The following TJP2 variants were observed in gnomAD, a reference collection of about 807,000 sequenced individuals.
TJP2 encodes the protein tight junction protein 2.
TJP2 carries 91 observed loss-of-function variants against 133.1 expected under a neutral mutation model. The ratio of observed to expected loss-of-function variants is 0.68; its 90% CI spans 0.58 to 0.81. The LOEUF is 0.81. Among genes scored for constraint, TJP2 ranks in the 40% least tolerant of loss-of-function variants. TJP2 has a pLI of 0.00. For missense variants in TJP2, 1,541 were observed against 1,565.6 expected (o/e 0.98, Z 0.26); for synonymous variants, 592 against 583.4 (o/e 1.01, Z -0.21).
At chr9:69,205,241 C>G in intron 1 of TJP2, 2 of 1,537,210 alleles carry the variant, frequency 1.3e-6, no homozygotes, top group Non-Finnish European at 1.7e-6. Flanking sequence ...CGTGTGAGTC[C>G]CTCTGCAAGC....
rs201099055 is a variant in TJP2 at position 69,225,736 on chromosome 9, T to C, written c.1057-286T>C. ...ATGAATGCTGAATATTTAATAGGTC[T>C]TGTAAACCTCTCCAGTCAGGAAACA... On this transcript the variant is annotated intron_variant, in intron 6 of 22. Transcript: ENST00000377245. 9.8e-5 allele frequency among the ~76,000 whole-genome samples: 15 copies of C among 152,354 alleles called. No homozygotes were observed. The East Asian group carries it at 2.9e-3, about 29-fold the overall frequency.
At chr9:69,189,145 G>A (rs1001407839) in intron 1 of TJP2, among the ~76,000 whole-genome samples, 2 of 152,164 alleles carry the variant, frequency 1.3e-5, no homozygotes, top group Non-Finnish European at 2.9e-5. Flanking sequence ...TTTTGATTGG[G>A]AATGAAGATA....
chr9:69,174,007 TCTC>T (rs964365664), upstream of TJP2: 148 of 984,766 alleles, frequency 1.5e-4, no homozygotes, highest in African/African-American at 3.0e-4. Context: ...GCCTTGGGCT[TCTC>T]CTGCCGCCGC....
chr9:69,142,462 TAAG>T (rs941071296), intron 1 of TJP2, among the ~76,000 whole-genome samples: 26 of 152,276 alleles, frequency 1.7e-4, no homozygotes, highest in Admixed American at 5.2e-4. Context: ...ATGAGCATAT[TAAG>T]GAGGAGAGAA....
At position 69,180,445 on chromosome 9, in the gene TJP2, A is replaced by G. The variant is rs141488404; in HGVS notation, c.60+6013A>G. 3.7e-4 allele frequency among the ~76,000 whole-genome samples: 56 copies of G among 152,272 alleles called. No homozygotes were observed. The East Asian group carries it at 9.8e-3, about 27-fold the overall frequency. On this transcript the variant is annotated intron_variant, in intron 1 of 22. Coordinates refer to ENST00000377245, the MANE Select transcript of TJP2 (RefSeq NM_004817.4). ...TTCTAGGTTCTTCTGAGGGGGAAAT[A>G]ATGTTCCACTTGGGGCCATTTTTTT...
rs755699574 is a variant in TJP2, at chr9:69,240,007, T to C, written c.2426T>C (p.Ile809Thr). The change falls in exon 17 of 23, where the codon ATT (isoleucine) becomes ACT (threonine). Residue 809 changes from isoleucine to threonine, a missense_variant. By Grantham distance (89) the Ile-to-Thr change is moderately conservative. Transcript: ENST00000377245. The part of the protein sequence containing the change: ...DLLNYTQWFP[I>T]VIFFNPDSRQ... ...TTGAATTACACCCAGTGGTTCCCAA[T>C]TGTGATTTTTTTCAACCCAGACTCC... 27 of 1,614,056 alleles carry C rather than the reference T, an allele frequency of 1.7e-5. No homozygotes were observed. Among genetic ancestry groups the C allele is most frequent in the East Asian group, 2.2e-5 (1 of 44,892 alleles).
chr9:69,231,357 C>G (rs1829766888), intron 11 of TJP2, among the ~76,000 whole-genome samples: 1 of 152,188 alleles, frequency 6.6e-6, no homozygotes, highest in Non-Finnish European at 1.5e-5. Context: ...CTTGGCCTCC[C>G]AAAGTGCTGG....
chr9:69,215,376 G>C (rs1229531939), intron 2 of TJP2, among the ~76,000 whole-genome samples: 3 of 145,124 alleles, frequency 2.1e-5, no homozygotes, highest in African/African-American at 7.5e-5. Context: ...TTCCCGCCCA[G>C]CTAGAAAGTT....
At chr9:69,180,349 A>G (rs1480955605) in intron 1 of TJP2, among the ~76,000 whole-genome samples, 1 of 152,230 alleles carries the variant, frequency 6.6e-6, no homozygotes, top group Non-Finnish European at 1.5e-5. Flanking sequence ...AGTTGAAGGT[A>G]AACAGAGAAA....
intron 2 of TJP2, among the ~76,000 whole-genome samples, chr9:69,160,487 A>T (rs942065417): frequency 1.3e-5 from 2 of 152,194 alleles, no homozygotes; most frequent in Admixed American, 6.5e-5. Flanking sequence ...TACTCTAGGA[A>T]TGTGGAAAAG....
chr9:69,209,203 G>C (rs1197931594), intron 1 of TJP2, among the ~76,000 whole-genome samples: 1 of 152,084 alleles, frequency 6.6e-6, no homozygotes, highest in Non-Finnish European at 1.5e-5. Flanking sequence ...CGCAATCTCA[G>C]CTCATTGCAA....
chr9:69,227,992 A>G lies in TJP2; in HGVS notation c.1331A>G (p.Asp444Gly), dbSNP rs766606859. 6.2e-7 allele frequency: 1 copy of G among 1,614,136 alleles called. No homozygotes were observed. The highest frequency in any genetic ancestry group is 1.1e-5 in the South Asian group (1 of 91,090). The change falls in exon 9 of 23, where the codon GAC becomes GGC. Residue 444 changes from aspartate (D) to glycine (G), a missense_variant. Transcript: ENST00000377245. Reference protein sequence around the residue: ...KLKERPSSREDTPSRLSRMGA... With the variant: ...KLKERPSSREGTPSRLSRMGA... The stretch of plus-strand genomic sequence containing the variant: ...GACATGTGATTCAGTTCCAGAGAGG[A>G]CACGCCGAGCAGATTGTCCAGGATG...
In TJP2 at chr9:69,221,081, T is replaced by A. The variant is rs757714122; in HGVS notation, c.537T>A (p.Arg179=). 2 of 1,590,864 alleles carry A rather than the reference T, an allele frequency of 1.3e-6. No individual in the cohort carries two copies. The highest frequency in any genetic ancestry group is 1.7e-6 in the Non-Finnish European group (2 of 1,169,378). ...RSWEDSPERG[R]PHERARSRER... is the part of the protein sequence containing the mutation. The stretch of plus-strand genomic sequence containing the variant: ...GGGAGGACAGCCCGGAAAGGGGGCG[T>A]CCCCATGAGCGGGCCCGGAGCCGGG... The change falls in exon 5 of 23, where the codon CGT becomes CGA. Residue 179 remains arginine, a synonymous_variant. Coordinates refer to ENST00000377245, the MANE Select transcript of TJP2 (RefSeq NM_004817.4).
At chr9:69,248,508 A>G in intron 19 of TJP2, 1 of 1,296,364 alleles carries the variant, frequency 7.7e-7, no homozygotes. Context: ...CGTCTGTCCA[A>G]ATTACCAGCG....
chr9:69,223,417 C>T (rs899637314), intron 5 of TJP2, among the ~76,000 whole-genome samples: 7 of 152,218 alleles, frequency 4.6e-5, no homozygotes, highest in Non-Finnish European at 7.3e-5. Context: ...ACACCATTCT[C>T]CTGCCTCAGC....
chr9:69,221,863 CTTT>C (rs11308693), intron 5 of TJP2, among the ~76,000 whole-genome samples: 13 of 112,228 alleles, frequency 1.2e-4, no homozygotes, highest in Admixed American at 1.9e-4. Flanking sequence ...GGAATAGCTA[CTTT>C]TTTTTTTTTT....
chr9:69,151,780 T>C, intron 2 of TJP2: 1 of 1,232,146 alleles, frequency 8.1e-7, no homozygotes, highest in Non-Finnish European at 1.0e-6. Context: ...AGGTATTTGC[T>C]TATTTAATCT....
chr9:69,226,912 T>C (rs895440074), intron 7 of TJP2, among the ~76,000 whole-genome samples: 1 of 152,208 alleles, frequency 6.6e-6, no homozygotes, highest in African/African-American at 2.4e-5. Context: ...TATTGTGGCA[T>C]TCATTAATTA....
intron 7 of TJP2, among the ~76,000 whole-genome samples, chr9:69,226,968 T>C (rs1538576): frequency 0.39 from 59,635 of 152,112 alleles, 12,933 homozygotes; most frequent in Middle Eastern, 0.49. Flanking sequence ...TATTCATTAT[T>C]TGAATATGAA....
Sources: allele counts gnomAD v4.1 joint callset (sites outside exome capture counted in the v4.1 genomes callset), GRCh38; gene constraint gnomAD v4.1.1; transcripts MANE v1.5; gene names NCBI Gene and HGNC (gene_info 2026-07-23, HGNC 2026-07-21).